SNX13: variants seen among roughly 807,000 people sequenced by gnomAD.
The protein encoded by SNX13 is sorting nexin 13.
In SNX13, 45 loss-of-function variants were observed where a neutral mutation model predicts 133.6. The observed-to-expected ratio is 0.34, with a 90% CI of 0.27 to 0.43. The LOEUF is 0.43. Ranked by LOEUF, SNX13 falls within the 20% of genes least tolerant of loss-of-function variation. The pLI is 1.00. For synonymous variants in SNX13, 414 were observed against 373.9 expected, an observed-to-expected ratio of 1.11 and a Z score of -1.24; for missense variants, 1,032 against 1,145.1, an observed-to-expected ratio of 0.90 and a Z score of 1.43.
intron 12 of SNX13, among the ~76,000 whole-genome samples, chr7:17,842,843 G>A (rs910789771): frequency 1.3e-5 from 2 of 151,938 alleles, no homozygotes; most frequent in Non-Finnish European, 2.9e-5. Flanking sequence ...GAATACATTT[G>A]AAATTAAGCT....
Position 17,834,752 on chromosome 7 carries a change from T to C in SNX13, c.1464+9A>G, listed in dbSNP as rs753402361. 2 of 1,537,822 alleles carry C rather than the reference T, an allele frequency of 1.3e-6. No homozygotes were observed. Among genetic ancestry groups the C allele is most frequent in the Admixed American group, 3.4e-5 (2 of 59,246 alleles). On this transcript the variant is annotated intron_variant, in intron 14 of 25. Transcript: ENST00000428135. The stretch of plus-strand genomic sequence containing the variant: ...AAGATAAAATGATAAATGCTGTACA[T>C]AATAATACCTTTCTTTGAATGTCAT...
chr7:17,871,383 G>A (rs943474633), intron 8 of SNX13, among the ~76,000 whole-genome samples: 9 of 152,300 alleles, frequency 5.9e-5, no homozygotes, highest in East Asian at 5.8e-4. Context: ...AAATGCCAGT[G>A]TGGCTGGAGT....
At chr7:17,810,468 T>G (rs1033523172) in intron 20 of SNX13, among the ~76,000 whole-genome samples, 1 of 152,060 alleles carries the variant, frequency 6.6e-6, no homozygotes, top group African/African-American at 2.4e-5. Context: ...ATTGAGGCAG[T>G]AATTAATAGC....
At chr7:17,874,928 G>C (rs1216647516) in intron 7 of SNX13, among the ~76,000 whole-genome samples, 2 of 152,170 alleles carry the variant, frequency 1.3e-5, no homozygotes, top group Non-Finnish European at 2.9e-5. Context: ...ATAAATTCAA[G>C]AGGAAGAGAA....
rs1377344688 is a variant in SNX13 at position 17,791,374 on chromosome 7, GT to G, written c.*2670del. 1 of 149,054 alleles carries G rather than the reference GT, an allele frequency of 6.7e-6. No homozygotes were observed. Among genetic ancestry groups the G allele is most frequent in the Admixed American group, 6.7e-5 (1 of 14,902 alleles). The allele number at this position is 149,054 out of a possible 1,614,324, so 9.2% of individuals were successfully genotyped here. A position where few individuals can be genotyped will look rare whatever the true frequency, so the allele number is the denominator to read the frequency against. Reference sequence around the variant, plus strand: ...TGAACAAACTGAAATATTCAAGAAAGTTTTTGTTTTTTTTTTTTTTAAAAAA... The same window carrying G: ...TGAACAAACTGAAATATTCAAGAAAGTTTTGTTTTTTTTTTTTTTAAAAAA... On this transcript the variant is annotated 3_prime_UTR_variant, in exon 26 of 26. Transcript: ENST00000428135.
intron 20 of SNX13, among the ~76,000 whole-genome samples, chr7:17,806,523 C>T (rs1785313116): frequency 1.3e-5 from 2 of 152,118 alleles, no homozygotes; most frequent in African/African-American, 2.4e-5. Flanking sequence ...AAAAATTATT[C>T]TGACATTCTA....
intron 2 of SNX13, among the ~76,000 whole-genome samples, chr7:17,896,524 T>C (rs931213997): frequency 2.6e-4 from 39 of 152,134 alleles, no homozygotes; most frequent in Admixed American, 1.3e-3. Context: ...CCTCCAAACC[T>C]ATAGGCTCAA....
chr7:17,840,287 A>G (rs1789719188), intron 12 of SNX13, among the ~76,000 whole-genome samples: 1 of 152,060 alleles, frequency 6.6e-6, no homozygotes, highest in African/African-American at 2.4e-5. Flanking sequence ...AACATTCAAC[A>G]TTTGTTCTCA....
chr7:17,801,401 G>C (rs910004173), intron 22 of SNX13, among the ~76,000 whole-genome samples, 187 bp downstream of exon 22: 5 of 151,802 alleles, frequency 3.3e-5, no homozygotes, highest in African/African-American at 1.2e-4. Flanking sequence ...CTTTTCTGGA[G>C]TAGTGATAAT....
intron 11 of SNX13, among the ~76,000 whole-genome samples, chr7:17,848,741 C>A (rs1562764265): frequency 6.6e-6 from 1 of 152,240 alleles, no homozygotes; most frequent in Non-Finnish European, 1.5e-5. Flanking sequence ...GGTTCCAGCA[C>A]TCCTTCACTC....
chr7:17,845,334 T>C (rs552095557), intron 12 of SNX13, among the ~76,000 whole-genome samples: 109 of 152,130 alleles, frequency 7.2e-4, no homozygotes, highest in African/African-American at 2.6e-3. Context: ...TAGTCAAAAT[T>C]ATAGAGACAG....
chr7:17,799,924 CTCA>C (rs1784439090), intron 22 of SNX13, among the ~76,000 whole-genome samples: 1 of 151,584 alleles, frequency 6.6e-6, no homozygotes. Flanking sequence ...CAATTATTTC[CTCA>C]TCAACACTGT....
At chr7:17,874,432 A>G (rs1794471762) in intron 7 of SNX13, among the ~76,000 whole-genome samples, 2 of 152,202 alleles carry the variant, frequency 1.3e-5, no homozygotes, top group African/African-American at 4.8e-5. Flanking sequence ...GTCAAAAGTT[A>G]TGCACAGAAT....
chr7:17,830,772 CACAA>C lies in SNX13; in HGVS notation c.1598-729_1598-726del. ...AATTAAGGTGTTCCTTTATTAAACA[CACAA>C]ACAAATCTATGGTAAAGCAATATTC... On this transcript the variant is annotated intron_variant, in intron 15 of 25. Coordinates refer to ENST00000428135, the MANE Select transcript of SNX13 (RefSeq NM_015132.5). 5.1e-6 allele frequency: 5 copies of C among 981,698 alleles called. No homozygotes were observed. The South Asian group carries it at 1.4e-4, about 28-fold the overall frequency. The allele number at this position is 981,698 out of a possible 1,614,324, so 60.8% of individuals were successfully genotyped here.
At chr7:17,896,276 T>C (rs917852271) in intron 2 of SNX13, among the ~76,000 whole-genome samples, 6 of 152,172 alleles carry the variant, frequency 3.9e-5, no homozygotes, top group African/African-American at 1.2e-4. Context: ...ATCTAGGCCA[T>C]AGATATGAAA....
chr7:17,832,444 C>G, intron 15 of SNX13: 1 of 984,492 alleles, frequency 1.0e-6, no homozygotes, highest in Non-Finnish European at 1.2e-6. Flanking sequence ...TTGGTTATGA[C>G]TTTGTCTTCT....
intron 1 of SNX13, among the ~76,000 whole-genome samples, chr7:17,939,570 T>A (rs538004496): frequency 6.6e-6 from 1 of 152,170 alleles, no homozygotes; most frequent in Non-Finnish European, 1.5e-5. Context: ...AAAAGGGAAA[T>A]TGATTGGTTC....
intron 1 of SNX13, among the ~76,000 whole-genome samples, chr7:17,927,081 A>T (rs1800830410): frequency 1.3e-5 from 2 of 151,980 alleles, no homozygotes; most frequent in Admixed American, 6.6e-5. Flanking sequence ...CTTATGTCAA[A>T]TTTTTTGTTT....
chr7:17,838,204 TTGAG>T (rs1353889440), intron 13 of SNX13, among the ~76,000 whole-genome samples: 1 of 152,142 alleles, frequency 6.6e-6, no homozygotes, highest in South Asian at 2.1e-4. Context: ...CTATTTCTTC[TTGAG>T]TTAGTGTGGC....
Sources: allele counts gnomAD v4.1 joint callset (sites outside exome capture counted in the v4.1 genomes callset), GRCh38; gene constraint gnomAD v4.1.1; transcripts MANE v1.5; gene names NCBI Gene and HGNC (gene_info 2026-07-23, HGNC 2026-07-21).